Variants in DENND4A observed in about 807,000 individuals in gnomAD.
DENND4A encodes the protein DENN domain containing 4A.
A neutral mutation model predicts 199.3 loss-of-function variants in DENND4A; 70 were observed. That is an observed-to-expected ratio of 0.35 (90% CI 0.29 to 0.43). The LOEUF (loss-of-function observed/expected upper bound fraction) is 0.43, where lower values mean the gene tolerates loss of function less well. Ranked by LOEUF, DENND4A falls within the 20% of genes least tolerant of loss-of-function variation. The pLI is 1.00. For synonymous variants in DENND4A, 686 were observed against 766.9 expected (o/e 0.89, Z 1.74); for missense variants, 1,723 against 2,255.8 (o/e 0.76, Z 4.78).
chr15:65,768,639 A>C (rs895167936), intron 1 of DENND4A, among the ~76,000 whole-genome samples: 1 of 152,114 alleles, frequency 6.6e-6, no homozygotes, highest in Non-Finnish European at 1.5e-5. Context: ...GGCCATACTC[A>C]TATATAGCAG....
At chr15:65,754,802 C>T (rs924078973) in intron 3 of DENND4A, among the ~76,000 whole-genome samples, 4 of 152,102 alleles carry the variant, frequency 2.6e-5, no homozygotes, top group African/African-American at 4.8e-5. Context: ...CCTCATGTAC[C>T]GCAAGTGGGA....
chr15:65,679,214 G>A (rs1324333574), intron 23 of DENND4A, among the ~76,000 whole-genome samples: 1 of 151,396 alleles, frequency 6.6e-6, no homozygotes, highest in Admixed American at 6.6e-5. Context: ...TGATTCTCCT[G>A]CCTCAGCCTC....
rs890640521 is a variant in DENND4A at position 65,772,184 on chromosome 15, C to T, written c.-101-10746G>A. On this transcript the variant is annotated intron_variant, in intron 1 of 32. Transcript: ENST00000443035. ...TTATTTTCAATTACATTAGCAACAC[C>T]ATTATCACTTCAATGTTTGGTGACT... 1.4e-4 allele frequency: 95 copies of T among 665,832 alleles called. 3 individuals are homozygous for T. Among genetic ancestry groups the T allele is most frequent in the Middle Eastern group, 2.5e-4 (1 of 4,014 alleles). The allele number at this position is 665,832 out of a possible 1,614,324, so 41.2% of individuals were successfully genotyped here.
chr15:65,728,400 T>C lies in DENND4A; in HGVS notation c.1487+672A>G, dbSNP rs987105642. ...TTAATTCAATTTGTGATTTCACCTA[T>C]ACTCATATCATTAAAGGGAAATAAA... On this transcript the variant is annotated intron_variant, in intron 11 of 32. Transcript: ENST00000443035. Among the ~76,000 whole-genome samples the C allele has an allele frequency of 2.6e-5, 4 of 152,144 alleles. 1 individual carries two copies. Among genetic ancestry groups the C allele is most frequent in the African/African-American group, 9.6e-5 (4 of 41,452 alleles).
rs2077155398 is a variant in DENND4A, at chr15:65,696,637, T to TCAACCACAAATAAGTGATTTCA, written c.2951-162_2951-141dup. The TCAACCACAAATAAGTGATTTCA allele has an allele frequency of 1.8e-5, 10 of 550,148 alleles. No individual in the cohort carries two copies. In the East Asian group the frequency reaches 3.3e-4, roughly 18 times the overall value. 34.1% of individuals were successfully genotyped at this position (550,148 alleles called of 1,614,324 possible). On this transcript the variant is annotated intron_variant, in intron 21 of 32. Transcript: ENST00000443035. ...TATTGAACACCTCTATATCTGTTTG[T>TCAACCACAAATAAGTGATTTCA]CAACCACAAATAAGTGATTTCACTT...
chr15:65,692,567 A>G (rs1384632371), intron 22 of DENND4A, among the ~76,000 whole-genome samples: 3 of 152,192 alleles, frequency 2.0e-5, no homozygotes, highest in African/African-American at 7.2e-5. Flanking sequence ...AGGGCAAGAG[A>G]TAAGAGTGGA....
chr15:65,767,743 AGAAAG>A lies in DENND4A; in HGVS notation c.-101-6310_-101-6306del, dbSNP rs2077023250. On this transcript the variant is annotated intron_variant, in intron 1 of 32. Transcript: ENST00000443035. Reference sequence around the variant, plus strand: ...GTGTTGAATGAAATCAGTAAGAAGCAGAAAGGAATCTACAGCAAAATAGCATTTAT... The same window carrying A: ...GTGTTGAATGAAATCAGTAAGAAGCAGAATCTACAGCAAAATAGCATTTAT... Among the ~76,000 whole-genome samples the A allele has an allele frequency of 8.5e-5, 13 of 152,374 alleles. No homozygotes were observed. In the South Asian group the frequency reaches 2.7e-3, roughly 32 times the overall value.
At chr15:65,739,790 G>GC (rs997698172) in intron 5 of DENND4A, among the ~76,000 whole-genome samples, 4 of 152,138 alleles carry the variant, frequency 2.6e-5, no homozygotes, top group Admixed American at 6.6e-5. Context: ...TTACATGCTA[G>GC]CCAGCAAGTA....
chr15:65,761,146 T>C (rs2076841198), intron 2 of DENND4A, among the ~76,000 whole-genome samples: 1 of 152,212 alleles, frequency 6.6e-6, no homozygotes, highest in African/African-American at 2.4e-5. Flanking sequence ...ATTGAAGATT[T>C]TGTCTCTAAT....
chr15:65,734,181 C>T, intron 7 of DENND4A, among the ~76,000 whole-genome samples: 1 of 152,088 alleles, frequency 6.6e-6, no homozygotes, highest in East Asian at 1.9e-4. Flanking sequence ...TGGAATGTCT[C>T]GGTATAAAAC....
At chr15:65,663,439 C>T (rs978066311) in intron 32 of DENND4A, among the ~76,000 whole-genome samples, 1 of 151,926 alleles carries the variant, frequency 6.6e-6, no homozygotes, top group African/African-American at 2.4e-5. Context: ...GAACTCCTGA[C>T]CTCAGATGAT....
intron 25 of DENND4A, 113 bp downstream of exon 25, chr15:65,671,679 C>A: frequency 1.3e-6 from 1 of 747,302 alleles, no homozygotes; most frequent in Non-Finnish European, 2.3e-6. Flanking sequence ...CGTGAGCCAC[C>A]GCGCCCAGCC....
At chr15:65,734,229 C>T (rs531654819) in intron 7 of DENND4A, among the ~76,000 whole-genome samples, 5 of 152,266 alleles carry the variant, frequency 3.3e-5, no homozygotes, top group South Asian at 2.1e-4. Context: ...AGGGAAAAAC[C>T]GCCTTAAGGC....
At chr15:65,685,497 G>C (rs546976963) in intron 23 of DENND4A, among the ~76,000 whole-genome samples, 1 of 152,212 alleles carries the variant, frequency 6.6e-6, no homozygotes, top group Non-Finnish European at 1.5e-5. Context: ...TATAAGTTGA[G>C]TGTCTACATT....
At chr15:65,779,447 CAAA>C (rs201529484) in intron 1 of DENND4A, among the ~76,000 whole-genome samples, 2 of 64,634 alleles carry the variant, frequency 3.1e-5, no homozygotes. Context: ...GACTCTGTCT[CAAA>C]AAAAAAAAAA....
At chr15:65,727,869 A>G in intron 11 of DENND4A, 1 of 380,710 alleles carries the variant, frequency 2.6e-6, no homozygotes, top group Non-Finnish European at 5.0e-6. Context: ...TAACTTACAT[A>G]TAAATTCAGT....
At chr15:65,757,131 C>T (rs2076724595) in intron 2 of DENND4A, among the ~76,000 whole-genome samples, 1 of 152,202 alleles carries the variant, frequency 6.6e-6, no homozygotes, top group East Asian at 1.9e-4. Flanking sequence ...AGGGAAATTC[C>T]TAGGTCCCCA....
chr15:65,734,259 C>T (rs1374681672), intron 7 of DENND4A, among the ~76,000 whole-genome samples: 1 of 152,186 alleles, frequency 6.6e-6, no homozygotes, highest in East Asian at 1.9e-4. Flanking sequence ...GACATGCGGG[C>T]AGCAATACTG....
At chr15:65,749,082 A>C (rs1425185411) in intron 4 of DENND4A, among the ~76,000 whole-genome samples, 2 of 152,136 alleles carry the variant, frequency 1.3e-5, no homozygotes, top group African/African-American at 4.8e-5. Flanking sequence ...ATTGTTGACA[A>C]AATTATGAAA....
Sources: gnomAD v4.1 joint callset for allele counts (sites outside exome capture counted in the v4.1 genomes callset) on GRCh38, gnomAD v4.1.1 for gene constraint, MANE v1.5 for transcripts, NCBI Gene and HGNC (gene_info 2026-07-23, HGNC 2026-07-21) for gene names.